NFATC3: variants seen among roughly 807,000 people sequenced by gnomAD.
The protein encoded by NFATC3 is nuclear factor of activated T-cells, cytoplasmic 3.
In NFATC3, 46 loss-of-function variants were observed where a neutral mutation model predicts 98.6. That is an observed-to-expected ratio of 0.47 (90% CI 0.37 to 0.60). The LOEUF is 0.60. NFATC3 is among the 20% of genes least tolerant of loss of function. The pLI is 0.00. For synonymous variants in NFATC3, 512 were observed against 472.2 expected (o/e 1.08, Z -1.09); for missense variants, 1,256 against 1,295.5 (o/e 0.97, Z 0.47).
chr16:68,152,178 C>T (rs1449694854), intron 3 of NFATC3, among the ~76,000 whole-genome samples: 7 of 133,544 alleles, frequency 5.2e-5, no homozygotes, highest in African/African-American at 1.7e-4. Context: ...GCCTGGCCAA[C>T]ATGGTGAAAC....
intron 1 of NFATC3, among the ~76,000 whole-genome samples, chr16:68,101,727 C>G (rs2035376458): frequency 1.3e-5 from 2 of 151,940 alleles, no homozygotes; most frequent in African/African-American, 4.8e-5. Flanking sequence ...TCATGATCCG[C>G]CCGCCTCTGC....
chr16:68,155,219 A>T (rs530656833), intron 3 of NFATC3, among the ~76,000 whole-genome samples: 37 of 152,236 alleles, frequency 2.4e-4, no homozygotes, highest in Middle Eastern at 6.8e-3. Context: ...CACCTGTAAG[A>T]CTCCACCAAA....
At chr16:68,106,220 A>G (rs2035647049) in intron 1 of NFATC3, among the ~76,000 whole-genome samples, 2 of 151,756 alleles carry the variant, frequency 1.3e-5, no homozygotes, top group Admixed American at 1.3e-4. Flanking sequence ...ATTTTTGCAA[A>G]CACCAGTTGT....
chr16:68,214,224 A>G, intron 9 of NFATC3: 1 of 760,420 alleles, frequency 1.3e-6, no homozygotes, highest in Non-Finnish European at 2.2e-6. Context: ...AAAGACAGTT[A>G]AATTCCTTTT....
chr16:68,179,485 A>G (rs2039865246), intron 6 of NFATC3, among the ~76,000 whole-genome samples: 1 of 152,182 alleles, frequency 6.6e-6, no homozygotes, highest in Non-Finnish European at 1.5e-5. Context: ...TTGTCTAGTT[A>G]CTGGACTGGA....
intron 1 of NFATC3, among the ~76,000 whole-genome samples, chr16:68,111,692 G>A (rs1458405114): frequency 2.0e-5 from 3 of 152,074 alleles, no homozygotes; most frequent in Non-Finnish European, 2.9e-5. Context: ...TTTTGCAGAC[G>A]TGTTAATGTA....
At chr16:68,171,462 C>A (rs1007591300) in intron 5 of NFATC3, among the ~76,000 whole-genome samples, 1 of 151,600 alleles carries the variant, frequency 6.6e-6, no homozygotes, top group Non-Finnish European at 1.5e-5. Context: ...GATCCTAAAT[C>A]CCATACCTAT....
chr16:68,209,445 A>C (rs2041283009), intron 9 of NFATC3: 2 of 176,204 alleles, frequency 1.1e-5, no homozygotes, highest in Admixed American at 1.2e-4. Flanking sequence ...ATTCAGCTTC[A>C]CCCGTAGACC....
intron 9 of NFATC3, chr16:68,192,228 A>ATATATATATATAT (rs1380467877): frequency 1.1e-4 from 8 of 72,500 alleles, no homozygotes; most frequent in African/African-American, 1.9e-4. Flanking sequence ...AAAAAAAAAA[A>ATATATATATATAT]AAATATATAT....
At chr16:68,192,230 A>ATATAT (rs10642778) in intron 9 of NFATC3, 1,801 of 82,552 alleles carry the variant, frequency 0.022, 106 homozygotes, top group Non-Finnish European at 0.025. Context: ...AAAAAAAAAA[A>ATATAT]ATATATATAT....
chr16:68,191,859 A>T (rs1352037689), intron 9 of NFATC3, 84 bp downstream of exon 9: 2 of 1,420,482 alleles, frequency 1.4e-6, no homozygotes, highest in African/African-American at 1.4e-5. Flanking sequence ...GTTTCTATGG[A>T]TTGCTTATTG....
chr16:68,087,227 C>T (rs1186764551), intron 1 of NFATC3, among the ~76,000 whole-genome samples: 1 of 152,022 alleles, frequency 6.6e-6, no homozygotes, highest in Non-Finnish European at 1.5e-5. Flanking sequence ...TTTTATTGGG[C>T]ACAAACTTGA....
rs751955833 is a variant in NFATC3, at chr16:68,094,819, A to G, written c.103+9035A>G. Among the ~76,000 whole-genome samples, 25 of 152,302 alleles carry G rather than the reference A, an allele frequency of 1.6e-4. No individual in the cohort carries two copies. The Middle Eastern group carries it at 0.01, about 62-fold the overall frequency. ...GCAAAATAGTTACATTTGGATTGAT[A>G]TTTGCTGAGGGGAAGGAATGAGACA... On this transcript the variant is annotated intron_variant, in intron 1 of 9. Coordinates refer to ENST00000346183, the MANE Select transcript of NFATC3 (RefSeq NM_173165.3).
In NFATC3 at chr16:68,191,294, C is replaced by A; in HGVS notation, c.2625C>A (p.Thr875=). The change falls in exon 9 of 10, where the codon ACC becomes ACA. Residue 875 remains threonine, a synonymous_variant. Coordinates refer to ENST00000346183, the MANE Select transcript of NFATC3 (RefSeq NM_173165.3). ...CCCATACACCTCATTCTGTGCATAC[C>A]CTGCCTCATCTGCAATCAATGGGAT... ...LLAHTPHSVH[T]LPHLQSMGYH... 6.2e-7 allele frequency: 1 copy of A among 1,614,126 alleles called. No homozygotes were observed. Among genetic ancestry groups the A allele is most frequent in the Non-Finnish European group, 8.5e-7 (1 of 1,179,998 alleles).
intron 1 of NFATC3, among the ~76,000 whole-genome samples, chr16:68,093,988 A>G (rs2034870910): frequency 2.0e-5 from 3 of 152,202 alleles, no homozygotes; most frequent in Admixed American, 2.0e-4. Context: ...CAAAATAGCT[A>G]CTTGAGGGAT....
Position 68,212,172 on chromosome 16 carries a change from A to T in NFATC3, c.3107-14178A>T, listed in dbSNP as rs56028638. Among the ~76,000 whole-genome samples, 745 of 152,340 alleles carry T rather than the reference A, an allele frequency of 4.9e-3. 8 individuals are homozygous for T. Among genetic ancestry groups the T allele is most frequent in the African/African-American group, 0.017 (705 of 41,574 alleles). Reference sequence around the variant, plus strand: ...TCAGTATTTAAAATACTTTGCACACACTGTAATCTTTAAATCACCTCTGAA... The same window carrying T: ...TCAGTATTTAAAATACTTTGCACACTCTGTAATCTTTAAATCACCTCTGAA... On this transcript the variant is annotated intron_variant, in intron 9 of 9. Coordinates refer to ENST00000346183, the MANE Select transcript of NFATC3 (RefSeq NM_173165.3).
chr16:68,221,396 G>T, intron 9 of NFATC3: 1 of 1,481,876 alleles, frequency 6.7e-7, no homozygotes, highest in Non-Finnish European at 9.0e-7. Context: ...GTCTGTGAAA[G>T]CACTTTGTTG....
At chr16:68,125,954 G>A (rs2036814396) in intron 2 of NFATC3, among the ~76,000 whole-genome samples, 1 of 151,844 alleles carries the variant, frequency 6.6e-6, no homozygotes, top group Non-Finnish European at 1.5e-5. Flanking sequence ...GTGCAGTGGC[G>A]CAATCTTGGC....
At chr16:68,205,579 A>G (rs186429262) in intron 9 of NFATC3, among the ~76,000 whole-genome samples, 41 of 152,332 alleles carry the variant, frequency 2.7e-4, no homozygotes, top group Non-Finnish European at 4.9e-4. Context: ...TTAAAATGCT[A>G]AAGTTACAAC....
Sources: gnomAD v4.1 joint callset for allele counts (sites outside exome capture counted in the v4.1 genomes callset) on GRCh38, gnomAD v4.1.1 for gene constraint, MANE v1.5 for transcripts, NCBI Gene and HGNC (gene_info 2026-07-23, HGNC 2026-07-21) for gene names.